ALPK3: variants seen among roughly 807,000 people sequenced by gnomAD.
ALPK3 encodes alpha-protein kinase 3.
ALPK3 carries 102 observed loss-of-function variants against 140.0 expected under a neutral mutation model. The ratio of observed to expected loss-of-function variants is 0.73; its 90% confidence interval spans 0.62 to 0.86. The LOEUF is 0.86. ALPK3 is among the 40% of genes least tolerant of loss of function. ALPK3 has a pLI of 0.00. For missense variants in ALPK3, 2,254 were observed against 2,208.2 expected, an observed-to-expected ratio of 1.02 and a Z score of -0.42; for synonymous variants, 938 against 898.5, an observed-to-expected ratio of 1.04 and a Z score of -0.79.
At chr15:84,819,736 C>T (rs944493035) in intron 1 of ALPK3, among the ~76,000 whole-genome samples, 6 of 152,240 alleles carry the variant, frequency 3.9e-5, no homozygotes, top group African/African-American at 1.4e-4. Flanking sequence ...GTTCTGTCCC[C>T]ACTCACTCTT....
Position 84,823,429 on chromosome 15 carries a change from G to A in ALPK3, c.182+61G>A, listed in dbSNP as rs771311885. On this transcript the variant is annotated intron_variant, in intron 2 of 13. Coordinates refer to ENST00000258888, the MANE Select transcript of ALPK3 (RefSeq NM_020778.5). Reference sequence around the variant, plus strand: ...TTTTCCTTGGGTCTGGGCATTGAGGGGCCACTGAGTGTCTGCTCGTGCACT... The same window carrying A: ...TTTTCCTTGGGTCTGGGCATTGAGGAGCCACTGAGTGTCTGCTCGTGCACT... 1,288 of 1,584,776 alleles carry A rather than the reference G, an allele frequency of 8.1e-4. 1 individual carries two copies. Among genetic ancestry groups the A allele is most frequent in the Non-Finnish European group, 1.1e-3 (1,214 of 1,153,840 alleles).
rs1964081338 is a variant in ALPK3, at chr15:84,872,212, A to G, written c.*3756A>G. 1 of 152,258 alleles carries G rather than the reference A, an allele frequency of 6.6e-6. No individual in the cohort carries two copies. The highest frequency in any genetic ancestry group is 2.4e-5 in the African/African-American group (1 of 41,466). 9.4% of individuals were successfully genotyped at this position (152,258 alleles called of 1,614,324 possible). On this transcript the variant is annotated 3_prime_UTR_variant, in exon 14 of 14. Transcript: ENST00000258888. Reference sequence around the variant, plus strand: ...GGGCCAAGTGTTCAGGCTCTCCCAGAGCCCAGTGGTGAGCCAGAAGGGCAT... The same window carrying G: ...GGGCCAAGTGTTCAGGCTCTCCCAGGGCCCAGTGGTGAGCCAGAAGGGCAT...
At chr15:84,853,259 A>G (rs1963826091) in intron 5 of ALPK3, among the ~76,000 whole-genome samples, 1 of 152,222 alleles carries the variant, frequency 6.6e-6, no homozygotes, top group South Asian at 2.1e-4. Context: ...CTTGGCACCA[A>G]GGCAGTTTTG....
chr15:84,857,340 C>A lies in ALPK3; in HGVS notation c.2602C>A (p.Pro868Thr). The A allele has an allele frequency of 3.1e-6, 5 of 1,614,156 alleles. No individual in the cohort carries two copies. The highest frequency in any genetic ancestry group is 4.2e-6 in the Non-Finnish European group (5 of 1,180,024). Residue 868 changes from proline (P) to threonine (T), a missense_variant, in exon 6 of 14, where the codon CCT (proline) becomes ACT (threonine). Pro to Thr is a conservative substitution (Grantham distance 38). Coordinates refer to ENST00000258888, the MANE Select transcript of ALPK3 (RefSeq NM_020778.5). The stretch of plus-strand genomic sequence containing the variant: ...CCTGAGCCAGGAGGTACCCACGATG[C>A]CTTCTCTTCCTGGAACTGGGCTGAC... ...AGLSQEVPTMPSLPGTGLTAS... is the reference protein window; with the variant it reads ...AGLSQEVPTMTSLPGTGLTAS...
Position 84,858,250 on chromosome 15 carries a change from A to G in ALPK3, c.3512A>G (p.Lys1171Arg). Residue 1171 changes from lysine (K) to arginine (R), a missense_variant, in exon 6 of 14, where the codon AAG becomes AGG. Physicochemically the swap from Lys to Arg is conservative, Grantham distance 26. This residue lies in a region of ALPK3 where 2,088 missense variants were observed against 2,022.9 expected (regional missense o/e 1.03). Coordinates refer to ENST00000258888, the MANE Select transcript of ALPK3 (RefSeq NM_020778.5). ...GCCCGGAGGAAGAGATTTCTCCCTAAGGTCAGAGCAGCAGGAGACGGGGAG... is the reference window on the plus strand; with the variant it reads ...GCCCGGAGGAAGAGATTTCTCCCTAGGGTCAGAGCAGCAGGAGACGGGGAG... ...LGARRKRFLP[K>R]VRAAGDGEAT... The G allele has an allele frequency of 6.2e-7, 1 of 1,605,506 alleles. No homozygotes were observed. Among genetic ancestry groups the G allele is most frequent in the Non-Finnish European group, 8.5e-7 (1 of 1,176,124 alleles).
chr15:84,840,234 A>T lies in ALPK3; in HGVS notation c.955A>T (p.Lys319Ter). 1 of 1,613,786 alleles carries T rather than the reference A, an allele frequency of 6.2e-7. No homozygotes were observed. Among genetic ancestry groups the T allele is most frequent in the Non-Finnish European group, 8.5e-7 (1 of 1,180,012 alleles). Residue 319 changes from lysine (K) to a stop codon, truncating the protein, a stop_gained, in exon 5 of 14, where the codon AAA (lysine) becomes TAA (stop). Coordinates refer to ENST00000258888, the MANE Select transcript of ALPK3 (RefSeq NM_020778.5). LOFTEE classifies it high-confidence loss of function. Reference protein sequence around the residue: ...KEESGAKKKKKDEESKQGLRK... With the variant: ...KEESGAKKKK Reference sequence around the variant, plus strand: ...GGAGAGTGGGGCCAAGAAGAAAAAGAAAGATGAGGAATCCAAGCAAGGCCT... The same window carrying T: ...GGAGAGTGGGGCCAAGAAGAAAAAGTAAGATGAGGAATCCAAGCAAGGCCT...
At chr15:84,825,118 A>G (rs1355857025) in intron 2 of ALPK3, among the ~76,000 whole-genome samples, 1 of 152,166 alleles carries the variant, frequency 6.6e-6, no homozygotes, top group Non-Finnish European at 1.5e-5. Context: ...GGAAAGTTTG[A>G]GAAGATATGT....
At chr15:84,862,525 C>T in intron 9 of ALPK3, 110 bp from the exon 10 acceptor site, 1 of 1,360,914 alleles carries the variant, frequency 7.3e-7, no homozygotes, top group Non-Finnish European at 1.0e-6. Context: ...GAAAGTGAGC[C>T]CAGCAGGTTG....
chr15:84,841,059 G>C (rs1963659468), intron 5 of ALPK3, 127 bp downstream of exon 5: 1 of 1,312,168 alleles, frequency 7.6e-7, no homozygotes, highest in African/African-American at 1.5e-5. Context: ...AGGGACTGGA[G>C]TGCCAGCTAC....
rs774100440 is a variant in ALPK3, at chr15:84,858,044, C to T, written c.3306C>T (p.Leu1102=). 6.4e-7 allele frequency: 1 copy of T among 1,570,418 alleles called. No individual in the cohort carries two copies. Residue 1102 remains leucine, a synonymous_variant, in exon 6 of 14, where the codon CTC becomes CTT. Transcript: ENST00000258888. ...AGGTTTCCCCTGAGGGGCCTGGCCT[C>T]CTGGGGGCCTCTCAGGAGAGCAGCA... ...EGEVSPEGPG[L]LGASQESSMA... is the part of the protein sequence containing the mutation.
intron 3 of ALPK3, among the ~76,000 whole-genome samples, chr15:84,837,336 T>C (rs959758828): frequency 3.3e-5 from 5 of 152,120 alleles, no homozygotes; most frequent in Admixed American, 6.5e-5. Context: ...GCTGGAGAAA[T>C]GTCCTTGATT....
rs139388951 is a variant in ALPK3 at position 84,844,268 on chromosome 15, G to A, written c.1653+3336G>A. 6.1e-4 allele frequency among the ~76,000 whole-genome samples: 93 copies of A among 152,034 alleles called. 1 individual carries two copies. In the East Asian group the frequency reaches 0.016, roughly 27 times the overall value. ...AACAAAAAACAAAAATTAGCCAGGTGTGGTGGTGCATGCCTGTAATTTCAA... is the reference window on the plus strand; with the variant it reads ...AACAAAAAACAAAAATTAGCCAGGTATGGTGGTGCATGCCTGTAATTTCAA... On this transcript the variant is annotated intron_variant, in intron 5 of 13. Transcript: ENST00000258888.
intron 7 of ALPK3, 49 bp downstream of exon 7, chr15:84,859,439 A>G (rs896393856): frequency 1.2e-6 from 2 of 1,607,048 alleles, no homozygotes; most frequent in Non-Finnish European, 1.7e-6. Context: ...TGATTGCAGT[A>G]ATACCGTTGG....
rs67395065 is a variant in ALPK3, at chr15:84,873,168, G to A, written c.*4712G>A. On this transcript the variant is annotated 3_prime_UTR_variant, in exon 14 of 14. Transcript: ENST00000258888. The stretch of plus-strand genomic sequence containing the variant: ...TAGAGAGGAAAATCAGCAGAGCCTC[G>A]TGAATGTATTTCTCGTGGCAAGAAG... The A allele has an allele frequency of 0.076, 11,600 of 152,226 alleles. 488 individuals carry two copies. The highest frequency in any genetic ancestry group is 0.084 in the Non-Finnish European group (5,725 of 68,012). The allele number at this position is 152,226 out of a possible 1,614,324, so 9.4% of individuals were successfully genotyped here.
Position 84,867,627 on chromosome 15 carries a change from G to A in ALPK3, c.4772+262G>A, listed in dbSNP as rs117313838. Among the ~76,000 whole-genome samples the A allele has an allele frequency of 9.9e-5, 15 of 152,270 alleles. No homozygotes were observed. In the East Asian group the frequency reaches 2.3e-3, roughly 24 times the overall value. On this transcript the variant is annotated intron_variant, in intron 13 of 13. Transcript: ENST00000258888. ...ACATACTCCTCCCCTCTCGCTTGAG[G>A]ATGGTTGCCAAGGTGCCGATGAGTA...
chr15:84,854,650 G>T (rs568454689), intron 5 of ALPK3, among the ~76,000 whole-genome samples: 10 of 152,154 alleles, frequency 6.6e-5, no homozygotes, highest in Admixed American at 5.9e-4. Context: ...CTTTATTTAG[G>T]TAAATATCCT....
Position 84,817,600 on chromosome 15 carries a change from G to T in ALPK3, c.143+5G>T. 1 of 1,494,800 alleles carries T rather than the reference G, an allele frequency of 6.7e-7. No homozygotes were observed. The highest frequency in any genetic ancestry group is 1.2e-5 in the South Asian group (1 of 81,328). 92.6% of individuals were successfully genotyped at this position (1,494,800 alleles called of 1,614,324 possible). A position where few individuals can be genotyped will look rare whatever the true frequency, so the allele number is the denominator to read the frequency against. ...CAGCGTGCGGCCCGAGACCAGGTAA[G>T]TGGCACCAAGGGGCAGGGCGGCGTC... On this transcript the variant is annotated splice_donor_5th_base_variant and intron_variant, in intron 1 of 13. Transcript: ENST00000258888.
chr15:84,846,024 T>C (rs980554717), intron 5 of ALPK3, among the ~76,000 whole-genome samples: 1 of 151,986 alleles, frequency 6.6e-6, no homozygotes, highest in South Asian at 2.1e-4. Context: ...GCTGAGATCA[T>C]GCCATTGCAC....
At chr15:84,852,424 CT>C (rs1389264698) in intron 5 of ALPK3, 1 of 173,382 alleles carries the variant, frequency 5.8e-6, no homozygotes, top group Non-Finnish European at 1.2e-5. Context: ...TTTGTTTTTT[CT>C]TTTTACTTTG....
Sources: gnomAD v4.1 joint callset for allele counts (sites outside exome capture counted in the v4.1 genomes callset) on GRCh38, gnomAD v4.1.1 for gene constraint, gnomAD v4.1.1 regional missense constraint, MANE v1.5 for transcripts, NCBI Gene and HGNC (gene_info 2026-07-23, HGNC 2026-07-21) for gene names.